MCU: variants seen among roughly 807,000 people sequenced by gnomAD.
The protein encoded by MCU is mitochondrial calcium uniporter, also known as calcium uniporter protein, mitochondrial.
Under a neutral mutation model 45.2 loss-of-function variants are expected in MCU, and 12 were observed. The ratio of observed to expected loss-of-function variants is 0.27; its 90% CI spans 0.17 to 0.43. The LOEUF is 0.43. Ranked by LOEUF, MCU falls within the 20% of genes least tolerant of loss-of-function variation. The pLI, the probability that MCU is intolerant of heterozygous loss-of-function variation, is 1.00. For synonymous variants in MCU, 160 were observed against 165.1 expected (o/e 0.97, Z 0.24); for missense variants, 324 against 436.7 (o/e 0.74, Z 2.30).
intron 2 of MCU, among the ~76,000 whole-genome samples, chr10:72,843,068 T>C (rs1845069466): frequency 6.6e-6 from 1 of 152,166 alleles, no homozygotes; most frequent in Admixed American, 6.5e-5. Context: ...ATATCCTATA[T>C]ATTCCCTGCC....
In MCU at chr10:72,879,732, TA is replaced by T. The variant is rs1455640279; in HGVS notation, c.862-4530del. Among the ~76,000 whole-genome samples the T allele has an allele frequency of 5.3e-5, 8 of 152,268 alleles. No individual in the cohort carries two copies. In the South Asian group the frequency reaches 1.7e-3, roughly 32 times the overall value. On this transcript the variant is annotated intron_variant, in intron 6 of 7. Coordinates refer to ENST00000373053, the MANE Select transcript of MCU (RefSeq NM_138357.3). ...AACAATAATAAACTCTTATGGAATT[TA>T]AAATATAGAGAGAATTAAAATGCAA... is the stretch of plus-strand genomic sequence containing the variant.
chr10:72,787,019 C>G (rs1401039293), intron 1 of MCU, among the ~76,000 whole-genome samples: 2 of 152,188 alleles, frequency 1.3e-5, no homozygotes, highest in East Asian at 3.9e-4. Context: ...TTTTCAAGGA[C>G]CATATTTTAA....
At chr10:72,704,477 C>T (rs2132652555) in intron 1 of MCU, among the ~76,000 whole-genome samples, 1 of 151,800 alleles carries the variant, frequency 6.6e-6, no homozygotes, top group South Asian at 2.1e-4. Flanking sequence ...CTGTACTGAC[C>T]TGCTAAAATT....
At chr10:72,789,084 G>A (rs748824303) in intron 1 of MCU, among the ~76,000 whole-genome samples, 1 of 152,078 alleles carries the variant, frequency 6.6e-6, no homozygotes, top group Non-Finnish European at 1.5e-5. Flanking sequence ...TACTCCTTGA[G>A]CCTTTAAGGA....
intron 1 of MCU, among the ~76,000 whole-genome samples, chr10:72,830,297 C>CA (rs1406046397): frequency 1.3e-5 from 2 of 152,202 alleles, no homozygotes; most frequent in African/African-American, 2.4e-5. Flanking sequence ...AAATATTACT[C>CA]ATAACCAGCC....
Position 72,821,642 on chromosome 10 carries a change from A to G in MCU, c.151-12717A>G, listed in dbSNP as rs138808903. ...TATATTTAGAAAGTTCCTCACAACA[A>G]TTTCTTGAAAATCTTAACTTTACAA... On this transcript the variant is annotated intron_variant, in intron 1 of 7. Transcript: ENST00000373053. 3.4e-3 allele frequency among the ~76,000 whole-genome samples: 512 copies of G among 152,284 alleles called. 3 individuals carry two copies. Among genetic ancestry groups the G allele is most frequent in the African/African-American group, 0.011 (463 of 41,560 alleles).
intron 2 of MCU, among the ~76,000 whole-genome samples, chr10:72,837,875 T>G (rs890576359): frequency 1.0e-4 from 15 of 150,748 alleles, no homozygotes; most frequent in Middle Eastern, 3.4e-3. Flanking sequence ...TTTTTTTTTT[T>G]GAGACCGAGT....
chr10:72,692,675 TC>T, intron 1 of MCU: 4 of 1,203,670 alleles, frequency 3.3e-6, no homozygotes, highest in Non-Finnish European at 4.1e-6. Context: ...ATGGAAGTTG[TC>T]CCCTTTCCCT....
intron 1 of MCU, among the ~76,000 whole-genome samples, chr10:72,759,319 TC>T (rs1843622245): frequency 6.6e-6 from 1 of 151,984 alleles, no homozygotes; most frequent in Admixed American, 6.6e-5. Flanking sequence ...GGTAATTAGA[TC>T]GGAACAAAAC....
chr10:72,756,031 T>C (rs1843571451), intron 1 of MCU, among the ~76,000 whole-genome samples: 1 of 152,082 alleles, frequency 6.6e-6, no homozygotes, highest in Admixed American at 6.6e-5. Flanking sequence ...TTACATGTTT[T>C]GTAGAGACAA....
chr10:72,816,500 G>A (rs925882230), intron 1 of MCU, among the ~76,000 whole-genome samples: 13 of 152,194 alleles, frequency 8.5e-5, no homozygotes, highest in African/African-American at 3.1e-4. Flanking sequence ...TAAGACATCA[G>A]CAGGGCACAG....
In MCU at chr10:72,799,740, T is replaced by G. The variant is rs368708334; in HGVS notation, c.151-34619T>G. On this transcript the variant is annotated intron_variant, in intron 1 of 7. Coordinates refer to ENST00000373053, the MANE Select transcript of MCU (RefSeq NM_138357.3). ...AAAGGTAAAGCAAAACCCATGTCAT[T>G]GTTTTTAATAAATGTCATTATTATT... Among the ~76,000 whole-genome samples the G allele has an allele frequency of 2.0e-5, 3 of 152,340 alleles. No individual in the cohort carries two copies. In the East Asian group the frequency reaches 5.8e-4, roughly 29 times the overall value.
At chr10:72,884,529 G>T in intron 7 of MCU, 147 bp downstream of exon 7, 1 of 564,514 alleles carries the variant, frequency 1.8e-6, no homozygotes, top group Non-Finnish European at 3.2e-6. Flanking sequence ...GTTGATTACA[G>T]TAACTATTTT....
At chr10:72,721,802 G>C (rs527468350) in intron 1 of MCU, among the ~76,000 whole-genome samples, 1 of 152,110 alleles carries the variant, frequency 6.6e-6, no homozygotes, top group African/African-American at 2.4e-5. Flanking sequence ...GCTATTTCTA[G>C]GCAATGTCAT....
At chr10:72,755,998 C>T (rs1257345139) in intron 1 of MCU, among the ~76,000 whole-genome samples, 1 of 152,238 alleles carries the variant, frequency 6.6e-6, no homozygotes, top group East Asian at 1.9e-4. Context: ...TGTGCACCAC[C>T]ATACCCAGCT....
intron 1 of MCU, among the ~76,000 whole-genome samples, chr10:72,781,003 A>G (rs894088463): frequency 1.3e-5 from 2 of 152,126 alleles, no homozygotes; most frequent in African/African-American, 4.8e-5. Flanking sequence ...TTATTCATTT[A>G]TTTGGGGGTA....
At chr10:72,779,506 G>A (rs1843955897) in intron 1 of MCU, among the ~76,000 whole-genome samples, 1 of 152,106 alleles carries the variant, frequency 6.6e-6, no homozygotes, top group Non-Finnish European at 1.5e-5. Context: ...CCCACTAAAT[G>A]GGAGAAGATA....
intron 5 of MCU, among the ~76,000 whole-genome samples, chr10:72,870,904 G>A (rs763179788): frequency 6.6e-6 from 1 of 151,926 alleles, no homozygotes; most frequent in African/African-American, 2.4e-5. Flanking sequence ...GTAGTTGTAT[G>A]TATATATATT....
At chr10:72,761,617 T>G (rs1843657739) in intron 1 of MCU, among the ~76,000 whole-genome samples, 1 of 152,200 alleles carries the variant, frequency 6.6e-6, no homozygotes, top group Non-Finnish European at 1.5e-5. Context: ...GAAAGAATGA[T>G]ATATATGTTG....
Sources: allele counts gnomAD v4.1 joint callset (sites outside exome capture counted in the v4.1 genomes callset), GRCh38; gene constraint gnomAD v4.1.1; transcripts MANE v1.5; gene names NCBI Gene and HGNC (gene_info 2026-07-23, HGNC 2026-07-21).